The following ACTR3 variants were observed in gnomAD, a reference collection of about 807,000 sequenced individuals.
ACTR3 encodes actin related protein 3, also known as actin-related protein 3.
A neutral mutation model predicts 56.8 loss-of-function variants in ACTR3; 12 were observed. The ratio of observed to expected loss-of-function variants is 0.21; its 90% CI spans 0.14 to 0.34. The LOEUF is 0.34. ACTR3 is among the 10% of genes least tolerant of loss of function. The pLI, the probability that ACTR3 is intolerant of heterozygous loss-of-function variation, is 1.00. For synonymous variants in ACTR3, 162 were observed against 167.4 expected (o/e 0.97, Z 0.25); for missense variants, 282 against 512.5 (o/e 0.55, Z 4.34).
intron 1 of ACTR3, among the ~76,000 whole-genome samples, chr2:113,896,735 A>C (rs1358309260): frequency 6.6e-6 from 1 of 152,202 alleles, no homozygotes; most frequent in East Asian, 1.9e-4. Context: ...AAAATTGTGG[A>C]TATGTGATCT....
rs1403364810 is a variant in ACTR3, at chr2:113,939,941, C to CT, written c.541-12dup. 2 of 1,548,360 alleles carry CT rather than the reference C, an allele frequency of 1.3e-6. No homozygotes were observed. Among genetic ancestry groups the CT allele is most frequent in the African/African-American group, 1.4e-5 (1 of 72,584 alleles). ...AAAACATTGAAAGTAAATTTGGTAT[C>CT]TTTTTTCCCCTCTCTAGGCTGAAGG... is the stretch of plus-strand genomic sequence containing the variant. On this transcript the variant is annotated splice_polypyrimidine_tract_variant and intron_variant, in intron 6 of 11. Transcript: ENST00000263238.
chr2:113,896,028 T>A (rs1229190932), intron 1 of ACTR3, among the ~76,000 whole-genome samples: 1 of 152,196 alleles, frequency 6.6e-6, no homozygotes, highest in South Asian at 2.1e-4. Context: ...GTGGCTACTT[T>A]TAAAAATTTT....
chr2:113,951,213 A>T, intron 8 of ACTR3: 1 of 280,382 alleles, frequency 3.6e-6, no homozygotes, highest in South Asian at 5.9e-5. Flanking sequence ...GTTATATGAA[A>T]GTTTCCATTT....
intron 4 of ACTR3, among the ~76,000 whole-genome samples, chr2:113,930,755 G>A (rs1330106034): frequency 6.6e-6 from 1 of 152,192 alleles, no homozygotes; most frequent in African/African-American, 2.4e-5. Context: ...ACAGAAGAGT[G>A]CTCTGCAAAC....
chr2:113,899,478 T>C (rs1286612907), intron 1 of ACTR3, among the ~76,000 whole-genome samples: 1 of 152,254 alleles, frequency 6.6e-6, no homozygotes, highest in Non-Finnish European at 1.5e-5. Context: ...CATGATTTTA[T>C]ACTTGAGGTT....
Position 113,898,556 on chromosome 2 carries a change from T to C in ACTR3, c.44+8233T>C, listed in dbSNP as rs139835254. 3.3e-5 allele frequency among the ~76,000 whole-genome samples: 5 copies of C among 152,326 alleles called. No individual in the cohort carries two copies. In the East Asian group the frequency reaches 9.6e-4, roughly 29 times the overall value. On this transcript the variant is annotated intron_variant, in intron 1 of 11. Transcript: ENST00000263238. ...TTAGTTGAAGCCTACATCAGAATTC[T>C]TCAGTGTTTCGTTGTAATGCAGAGG...
intron 1 of ACTR3, among the ~76,000 whole-genome samples, chr2:113,906,093 C>T (rs574264205): frequency 3.5e-4 from 54 of 152,300 alleles, no homozygotes; most frequent in Non-Finnish European, 6.5e-4. Context: ...CAGCATTGCA[C>T]CATTTTAAAC....
chr2:113,951,443 A>T (rs1296999145), intron 8 of ACTR3, 36 bp from the exon 9 acceptor site: 1 of 1,390,874 alleles, frequency 7.2e-7, no homozygotes, highest in Admixed American at 1.7e-5. Context: ...GTCAGTAGTG[A>T]TATGATCTCT....
rs772073333 is a variant in ACTR3, at chr2:113,913,195, G to A, written c.68G>A (p.Gly23Glu). ...AGGTATACAAAACTAGGATATGCTG[G>A]AAATACAGAACCACAGTTTATCATC... ...GTGYTKLGYA[G>E]NTEPQFIIPS... Residue 23 changes from glycine to glutamate, a missense_variant, in exon 2 of 12, where the codon GGA becomes GAA. Physicochemically the swap from Gly to Glu is moderately conservative, Grantham distance 98. Coordinates refer to ENST00000263238, the MANE Select transcript of ACTR3 (RefSeq NM_005721.5). 6.3e-7 allele frequency: 1 copy of A among 1,593,718 alleles called. No homozygotes were observed. The highest frequency in any genetic ancestry group is 8.5e-7 in the Non-Finnish European group (1 of 1,170,390).
chr2:113,925,626 C>T (rs899516218), intron 3 of ACTR3, among the ~76,000 whole-genome samples: 20 of 152,290 alleles, frequency 1.3e-4, no homozygotes, highest in African/African-American at 3.8e-4. Flanking sequence ...AGTAGGTACA[C>T]AGTAATAATT....
Position 113,960,509 on chromosome 2 carries a change from A to T in ACTR3, c.*3054A>T, listed in dbSNP as rs1680307039. On this transcript the variant is annotated 3_prime_UTR_variant, in exon 12 of 12. Coordinates refer to ENST00000263238, the MANE Select transcript of ACTR3 (RefSeq NM_005721.5). The stretch of plus-strand genomic sequence containing the variant: ...AAAGTACTAGAGAATATATCTATAG[A>T]AACTTCTTTCAGATAACCCTAAAGA... 6.6e-6 allele frequency: 1 copy of T among 152,056 alleles called. No individual in the cohort carries two copies. Among genetic ancestry groups the T allele is most frequent in the Non-Finnish European group, 1.5e-5 (1 of 67,922 alleles). The allele number at this position is 152,056 out of a possible 1,614,324, so 9.4% of individuals were successfully genotyped here.
At chr2:113,952,792 A>G (rs1680143268) in intron 10 of ACTR3, 1 of 152,206 alleles carries the variant, frequency 6.6e-6, no homozygotes, top group Non-Finnish European at 1.5e-5. Flanking sequence ...TCTACTCAAT[A>G]GACTTTTAAA....
At chr2:113,910,549 G>C (rs1318936215) in intron 1 of ACTR3, among the ~76,000 whole-genome samples, 1 of 152,116 alleles carries the variant, frequency 6.6e-6, no homozygotes, top group Admixed American at 6.5e-5. Flanking sequence ...AAGAAGGGGG[G>C]CAGTCTTGGG....
chr2:113,902,959 A>G (rs1213242033), intron 1 of ACTR3, among the ~76,000 whole-genome samples: 2 of 152,246 alleles, frequency 1.3e-5, no homozygotes. Flanking sequence ...CAAGCTAATT[A>G]ATGTATTTGT....
At chr2:113,910,157 C>T (rs1213819705) in intron 1 of ACTR3, among the ~76,000 whole-genome samples, 1 of 152,132 alleles carries the variant, frequency 6.6e-6, no homozygotes, top group Non-Finnish European at 1.5e-5. Flanking sequence ...CAGCCCCACC[C>T]TCCAACCACT....
At chr2:113,934,231 T>G (rs1559480008) in intron 5 of ACTR3, 48 bp from the exon 6 acceptor site, 2 of 1,285,052 alleles carry the variant, frequency 1.6e-6, no homozygotes, top group East Asian at 2.4e-5. Flanking sequence ...TTTGTTTTTT[T>G]GTTTTTTTTT....
At position 113,957,562 on chromosome 2, in the gene ACTR3, A is replaced by G. The variant is rs1018803554; in HGVS notation, c.*107A>G. 3.9e-6 allele frequency: 3 copies of G among 767,072 alleles called. No homozygotes were observed. The highest frequency in any genetic ancestry group is 4.0e-5 in the Admixed American group (2 of 49,834). The allele number at this position is 767,072 out of a possible 1,614,324, so 47.5% of individuals were successfully genotyped here. ...TTTGAGGTTTTAAACCTGACTTGAAATAGTAACACCAAACATGATTATACA... is the reference window on the plus strand; with the variant it reads ...TTTGAGGTTTTAAACCTGACTTGAAGTAGTAACACCAAACATGATTATACA... On this transcript the variant is annotated 3_prime_UTR_variant, in exon 12 of 12. Coordinates refer to ENST00000263238, the MANE Select transcript of ACTR3 (RefSeq NM_005721.5).
rs1021800341 is a variant in ACTR3 at position 113,932,989 on chromosome 2, CTTTG to C, written c.433-1285_433-1282del. 5.9e-5 allele frequency among the ~76,000 whole-genome samples: 9 copies of C among 152,038 alleles called. 1 individual carries two copies. Among genetic ancestry groups the C allele is most frequent in the Non-Finnish European group, 1.0e-4 (7 of 68,006 alleles). On this transcript the variant is annotated intron_variant, in intron 5 of 11. Coordinates refer to ENST00000263238, the MANE Select transcript of ACTR3 (RefSeq NM_005721.5). Reference sequence around the variant, plus strand: ...GTTGTTTTTAATTACTAGTCATATACTTTGTTTGAGGCTTGGATTGTAAGAAATT... The same window carrying C: ...GTTGTTTTTAATTACTAGTCATATACTTTGAGGCTTGGATTGTAAGAAATT...
At chr2:113,891,630 T>C (rs1678901967) in intron 1 of ACTR3, among the ~76,000 whole-genome samples, 2 of 151,538 alleles carry the variant, frequency 1.3e-5, no homozygotes, top group African/African-American at 4.8e-5. Flanking sequence ...TTTTTTATTA[T>C]TAATTATAAT....
Sources: allele counts gnomAD v4.1 joint callset (sites outside exome capture counted in the v4.1 genomes callset), GRCh38; gene constraint gnomAD v4.1.1; transcripts MANE v1.5; gene names NCBI Gene and HGNC (gene_info 2026-07-23, HGNC 2026-07-21).